Variants in ZNF516 observed in about 807,000 individuals in gnomAD.
ZNF516 encodes zinc finger protein 516.
A neutral mutation model predicts 79.7 loss-of-function variants in ZNF516; 19 were observed. The observed-to-expected ratio is 0.24, with a 90% CI of 0.17 to 0.35. The LOEUF (loss-of-function observed/expected upper bound fraction) is 0.35. Among genes scored for constraint, ZNF516 ranks in the 10% least tolerant of loss-of-function variants. The probability of loss-of-function intolerance (pLI) is 1.00; values close to 1 mark genes in which losing one functional copy is unlikely to be tolerated. For missense variants in ZNF516, 1,678 were observed against 1,679.5 expected (o/e 1.00, Z 0.02); for synonymous variants, 877 against 739.5 (o/e 1.19, Z -3.02).
At chr18:76,401,972 C>A (rs76840611) in intron 3 of ZNF516, among the ~76,000 whole-genome samples, 5,263 of 152,168 alleles carry the variant, frequency 0.035, 236 homozygotes, top group African/African-American at 0.096. Context: ...CATGCATGTG[C>A]GTGCCTATGT....
chr18:76,448,874 G>C (rs916119992), intron 2 of ZNF516, among the ~76,000 whole-genome samples: 1 of 152,176 alleles, frequency 6.6e-6, no homozygotes, highest in African/African-American at 2.4e-5. Context: ...CAGCGCACCA[G>C]TAAGACAAGG....
chr18:76,396,717 G>A (rs1372706889), intron 3 of ZNF516, among the ~76,000 whole-genome samples: 1 of 152,164 alleles, frequency 6.6e-6, no homozygotes, highest in East Asian at 1.9e-4. Context: ...ACAGCCCCTG[G>A]AAAGATATTC....
chr18:76,447,448 C>A (rs1295239278), intron 2 of ZNF516, among the ~76,000 whole-genome samples: 1 of 152,228 alleles, frequency 6.6e-6, no homozygotes, highest in African/African-American at 2.4e-5. Flanking sequence ...CATTTCCGTC[C>A]TGGGCTGCTC....
Position 76,441,828 on chromosome 18 carries a change from C to T in ZNF516, c.1227G>A (p.Glu409=). The T allele has an allele frequency of 6.4e-7, 1 of 1,566,500 alleles. No individual in the cohort carries two copies. The highest frequency in any genetic ancestry group is 8.6e-7 in the Non-Finnish European group (1 of 1,163,192). The change falls in exon 3 of 7, where the codon GAG becomes GAA. Residue 409 remains glutamate (E), a synonymous_variant. Transcript: ENST00000443185. ...CCTGGTAGCTGTTGACCGGGTCCAG[C>T]TCAGCCACCCGCCGTCCGGCCTGCG... ...PGTQAGRRVA[E]LDPVNSYQAW...
intron 6 of ZNF516, among the ~76,000 whole-genome samples, chr18:76,365,138 T>G (rs2074595099): frequency 6.6e-6 from 1 of 152,224 alleles, no homozygotes; most frequent in Non-Finnish European, 1.5e-5. Flanking sequence ...ATGAGACAAA[T>G]TAGGTCGCCA....
chr18:76,473,903 T>TGGG lies in ZNF516; in HGVS notation c.-271-10765_-271-10763dup, dbSNP rs556393743. Reference sequence around the variant, plus strand: ...CACTGGGTTGTTGGTTGTTTTTGTGTGGGGGGGGGGGGGGCTTTCTTTTTG... The same window carrying TGGG: ...CACTGGGTTGTTGGTTGTTTTTGTGTGGGGGGGGGGGGGGGGGCTTTCTTTTTG... On this transcript the variant is annotated intron_variant, in intron 1 of 6. Coordinates refer to ENST00000443185, the MANE Select transcript of ZNF516 (RefSeq NM_014643.4). Among the ~76,000 whole-genome samples the TGGG allele has an allele frequency of 1.2e-3, 66 of 54,170 alleles. 1 individual carries two copies. Among genetic ancestry groups the TGGG allele is most frequent in the African/African-American group, 2.9e-3 (32 of 11,130 alleles). 35.5% of individuals were successfully genotyped at this position (54,170 alleles called of 152,430 possible). A position where few individuals can be genotyped will look rare whatever the true frequency, so the allele number is the denominator to read the frequency against.
chr18:76,491,223 C>T (rs1414052215), intron 1 of ZNF516, among the ~76,000 whole-genome samples: 1 of 149,990 alleles, frequency 6.7e-6, no homozygotes, highest in Admixed American at 6.6e-5. Context: ...CCCGCCTGCC[C>T]CGGCCCGGAG....
intron 3 of ZNF516, among the ~76,000 whole-genome samples, chr18:76,438,226 A>T (rs148596026): frequency 6.6e-6 from 1 of 152,320 alleles, no homozygotes; most frequent in African/African-American, 2.4e-5. Context: ...TGCTTCTGTT[A>T]TTCCTAAGTC....
At chr18:76,448,439 C>T (rs943121580) in intron 2 of ZNF516, among the ~76,000 whole-genome samples, 3 of 152,180 alleles carry the variant, frequency 2.0e-5, no homozygotes, top group Admixed American at 6.5e-5. Context: ...CTGACACACG[C>T]CCCGGTAAGC....
chr18:76,399,621 G>A (rs898201011), intron 3 of ZNF516, among the ~76,000 whole-genome samples: 2 of 152,252 alleles, frequency 1.3e-5, no homozygotes, highest in Admixed American at 1.3e-4. Context: ...AAGCCTGGGT[G>A]CGTTCTAAGC....
chr18:76,462,978 T>C (rs1704287749), intron 2 of ZNF516, 50 bp downstream of exon 2: 1 of 152,192 alleles, frequency 6.6e-6, no homozygotes, highest in South Asian at 2.1e-4. Flanking sequence ...TCCAGGTTTG[T>C]GAAACAGAAG....
upstream of ZNF516, chr18:76,496,206 C>T (rs1915475364): frequency 1.7e-6 from 2 of 1,204,380 alleles, no homozygotes; most frequent in African/African-American, 1.6e-5. Flanking sequence ...AGGGCGAGCG[C>T]CCCTTCACGG....
At chr18:76,435,044 C>A (rs1207553847) in intron 3 of ZNF516, among the ~76,000 whole-genome samples, 7 of 152,202 alleles carry the variant, frequency 4.6e-5, no homozygotes, top group Non-Finnish European at 1.5e-5. Context: ...CTGCCCTGTG[C>A]CCTGGTTTCC....
rs553934193 is a variant in ZNF516 at position 76,367,405 on chromosome 18, G to A, written c.3432+3123C>T. Among the ~76,000 whole-genome samples the A allele has an allele frequency of 9.2e-5, 14 of 152,282 alleles. No individual in the cohort carries two copies. In the East Asian group the frequency reaches 9.6e-4, roughly 10 times the overall value. The stretch of plus-strand genomic sequence containing the variant: ...ATTCTTCTCAAGCTACAACTCTGAC[G>A]GTGTCAGCCCTGCCTAGGGCTCTCT... On this transcript the variant is annotated intron_variant, in intron 6 of 6. Coordinates refer to ENST00000443185, the MANE Select transcript of ZNF516 (RefSeq NM_014643.4).
chr18:76,464,052 G>T (rs185540745), intron 1 of ZNF516, among the ~76,000 whole-genome samples: 1 of 152,070 alleles, frequency 6.6e-6, no homozygotes, highest in African/African-American at 2.4e-5. Flanking sequence ...GGCCGGGCGC[G>T]GGTGCTCACA....
At position 76,441,564 on chromosome 18, in the gene ZNF516, C is replaced by G. The variant is rs1209373929; in HGVS notation, c.1491G>C (p.Ser497=). ...PAPAGHLDPR[S]AARPNRRAAA... is the part of the protein sequence containing the mutation. Reference sequence around the variant, plus strand: ...CGGCCCTGCGGTTGGGGCGCGCGGCCGAGCGGGGATCGAGGTGGCCGGCGG... The same window carrying G: ...CGGCCCTGCGGTTGGGGCGCGCGGCGGAGCGGGGATCGAGGTGGCCGGCGG... Residue 497 remains serine, a synonymous_variant, in exon 3 of 7, where the codon TCG becomes TCC. Transcript: ENST00000443185. 1.5e-5 allele frequency: 23 copies of G among 1,487,868 alleles called. No individual in the cohort carries two copies. Among genetic ancestry groups the G allele is most frequent in the Non-Finnish European group, 2.0e-5 (23 of 1,124,112 alleles). The allele number at this position is 1,487,868 out of a possible 1,614,324, so 92.2% of individuals were successfully genotyped here. A position where few individuals can be genotyped will look rare whatever the true frequency, so the allele number is the denominator to read the frequency against.
intron 1 of ZNF516, chr18:76,492,538 G>C: frequency 3.0e-6 from 1 of 334,438 alleles, no homozygotes; most frequent in Non-Finnish European, 4.3e-6. Flanking sequence ...GAAGTTGGAA[G>C]ACACATGCTG....
intron 1 of ZNF516, among the ~76,000 whole-genome samples, chr18:76,466,214 C>G (rs1209208339): frequency 1.3e-5 from 2 of 152,098 alleles, no homozygotes; most frequent in African/African-American, 4.8e-5. Flanking sequence ...TGGGTTTACT[C>G]CTAGGGTGCT....
Position 76,415,568 on chromosome 18 carries a change from G to A in ZNF516, c.1810+25677C>T, listed in dbSNP as rs1047106841. ...AGAACCTGCCTCTCCGTTGGATTCT[G>A]CGGAGGTGGGTTCTGAAGTGCAACG... On this transcript the variant is annotated intron_variant, in intron 3 of 6. Transcript: ENST00000443185. Among the ~76,000 whole-genome samples, 11 of 152,290 alleles carry A rather than the reference G, an allele frequency of 7.2e-5. No homozygotes were observed. In the South Asian group the frequency reaches 1.2e-3, roughly 17 times the overall value.
Sources: allele counts gnomAD v4.1 joint callset (sites outside exome capture counted in the v4.1 genomes callset), GRCh38; gene constraint gnomAD v4.1.1; transcripts MANE v1.5; gene names NCBI Gene and HGNC (gene_info 2026-07-23, HGNC 2026-07-21).